Variants in KLHDC2 observed in about 807,000 individuals in gnomAD.
KLHDC2 encodes kelch domain-containing protein 2.
KLHDC2 carries 38 observed loss-of-function variants against 62.3 expected under a neutral mutation model. The ratio of observed to expected loss-of-function variants is 0.61; its 90% CI spans 0.47 to 0.80. KLHDC2 has a LOEUF of 0.80. Ranked by LOEUF, KLHDC2 falls within the 30% of genes least tolerant of loss-of-function variation. The pLI is 0.00. For missense variants in KLHDC2, 430 were observed against 495.3 expected (o/e 0.87, Z 1.25); for synonymous variants, 159 against 161.0 (o/e 0.99, Z 0.09).
chr14:49,777,257 A>G (rs1237277093), intron 3 of KLHDC2, among the ~76,000 whole-genome samples: 1 of 152,140 alleles, frequency 6.6e-6, no homozygotes, highest in Non-Finnish European at 1.5e-5. Context: ...GTAAAGGGTG[A>G]TAGATGGGTG....
Position 49,785,532 on chromosome 14 carries a change from T to A in KLHDC2, c.*2579T>A. The A allele has an allele frequency of 2.1e-6, 1 of 485,308 alleles. No homozygotes were observed. The highest frequency in any genetic ancestry group is 3.7e-6 in the Non-Finnish European group (1 of 266,976). The allele number at this position is 485,308 out of a possible 1,614,324, so 30.1% of individuals were successfully genotyped here. ...TATTCTTTACTACTTAATTTTTGCC[T>A]AGCATAATAAGTAATGAGAACAATA... On this transcript the variant is annotated 3_prime_UTR_variant, in exon 13 of 13. Coordinates refer to ENST00000298307, the MANE Select transcript of KLHDC2 (RefSeq NM_014315.3).
intron 9 of KLHDC2, 82 bp downstream of exon 9, chr14:49,780,404 A>G: frequency 1.1e-6 from 1 of 944,822 alleles, no homozygotes; most frequent in Non-Finnish European, 1.7e-6. Context: ...TTAGAGACTG[A>G]TGAGACGGCT....
chr14:49,773,651 G>A (rs1025316230), intron 2 of KLHDC2, among the ~76,000 whole-genome samples: 38 of 144,204 alleles, frequency 2.6e-4, no homozygotes, highest in African/African-American at 8.0e-4. Flanking sequence ...ATCTCGACTC[G>A]CTGCAAGCTC....
intron 10 of KLHDC2, 91 bp from the exon 11 acceptor site, chr14:49,782,279 G>A (rs968403547): frequency 2.6e-6 from 2 of 773,368 alleles, no homozygotes; most frequent in Admixed American, 2.6e-5. Context: ...CCTTAAGATC[G>A]CTAGTCTTTA....
Position 49,785,640 on chromosome 14 carries a change from G to T in KLHDC2, c.*2687G>T. ...TTCACGCCTATAATCCTAGGACTCT[G>T]GAAGGCTCAGGCTGAGGCGGGTGGA... On this transcript the variant is annotated 3_prime_UTR_variant, in exon 13 of 13. Transcript: ENST00000298307. The T allele has an allele frequency of 3.8e-6, 1 of 263,330 alleles. No homozygotes were observed. Among genetic ancestry groups the T allele is most frequent in the Non-Finnish European group, 7.5e-6 (1 of 133,926 alleles). The allele number at this position is 263,330 out of a possible 1,614,324, so 16.3% of individuals were successfully genotyped here. A position where few individuals can be genotyped will look rare whatever the true frequency, so the allele number is the denominator to read the frequency against.
Position 49,774,674 on chromosome 14 carries a change from A to G in KLHDC2, c.347A>G (p.Asn116Ser), listed in dbSNP as rs760620829. The G allele has an allele frequency of 2.6e-6, 4 of 1,561,548 alleles. No individual in the cohort carries two copies. The highest frequency in any genetic ancestry group is 1.1e-5 in the South Asian group (1 of 90,080). Reference protein sequence around the residue: ...FGGHHSRGNTNKFYMLDSRST... With the variant: ...FGGHHSRGNTSKFYMLDSRST... ...GGACACCATTCAAGAGGCAATACCA[A>G]TAAGGTTAGTGTTTCTAAGGATTAT... Residue 116 changes from asparagine to serine, a missense_variant, in exon 3 of 13, where the codon AAT becomes AGT. Asn to Ser is a conservative substitution (Grantham distance 46). Coordinates refer to ENST00000298307, the MANE Select transcript of KLHDC2 (RefSeq NM_014315.3).
chr14:49,777,241 TCA>T (rs1491437438), intron 3 of KLHDC2, among the ~76,000 whole-genome samples: 3 of 8,824 alleles, frequency 3.4e-4, no homozygotes, highest in African/African-American at 3.6e-4. Flanking sequence ...CTTTGGGGAC[TCA>T]GGGGTAAAGG....
At chr14:49,778,372 TATC>T in intron 5 of KLHDC2, 36 bp from the exon 6 acceptor site, 1 of 1,378,724 alleles carries the variant, frequency 7.3e-7, no homozygotes. Context: ...ATTTTATAAA[TATC>T]ATTTCTAAAA....
At chr14:49,769,825 C>A (rs1336961364) in intron 1 of KLHDC2, among the ~76,000 whole-genome samples, 1 of 151,994 alleles carries the variant, frequency 6.6e-6, no homozygotes, top group Non-Finnish European at 1.5e-5. Flanking sequence ...CGCCCTAATC[C>A]CGTCTACTTG....
chr14:49,778,987 T>G (rs999926632), intron 6 of KLHDC2, among the ~76,000 whole-genome samples: 4 of 152,184 alleles, frequency 2.6e-5, no homozygotes, highest in Admixed American at 1.3e-4. Flanking sequence ...CCTCCCAAAG[T>G]GTTGGGATTA....
intron 10 of KLHDC2, 102 bp downstream of exon 10, chr14:49,780,877 C>A: frequency 1.4e-6 from 1 of 724,434 alleles, no homozygotes; most frequent in Non-Finnish European, 2.5e-6. Context: ...TCTCAGCATT[C>A]ACTAAGGTTT....
rs768954943 is a variant in KLHDC2 at position 49,781,698 on chromosome 14, T to TA, written c.957-658dup. ...GGTGATAGAGCAAGACTCTGTCTCT[T>TA]AAAAAAAAAAAAAATACATGGGGAA... On this transcript the variant is annotated intron_variant, in intron 10 of 12. Coordinates refer to ENST00000298307, the MANE Select transcript of KLHDC2 (RefSeq NM_014315.3). 5.2e-3 allele frequency among the ~76,000 whole-genome samples: 733 copies of TA among 141,700 alleles called. 3 individuals carry two copies. Among genetic ancestry groups the TA allele is most frequent in the South Asian group, 0.016 (71 of 4,424 alleles). 93.0% of individuals were successfully genotyped at this position (141,700 alleles called of 152,430 possible). A position where few individuals can be genotyped will look rare whatever the true frequency, so the allele number is the denominator to read the frequency against.
intron 1 of KLHDC2, 45 bp from the exon 2 acceptor site, chr14:49,771,549 C>CT (rs767632251): frequency 1.6e-5 from 14 of 858,420 alleles, no homozygotes; most frequent in Non-Finnish European, 2.7e-5. Flanking sequence ...AGTAGTGCCT[C>CT]TTTAAAATAC....
At chr14:49,782,280 C>G (rs1190719035) in intron 10 of KLHDC2, 90 bp from the exon 11 acceptor site, 2 of 786,476 alleles carry the variant, frequency 2.5e-6, no homozygotes, top group Non-Finnish European at 4.2e-6. Flanking sequence ...CTTAAGATCG[C>G]TAGTCTTTAT....
intron 2 of KLHDC2, 60 bp downstream of exon 2, chr14:49,771,733 T>A: frequency 1.2e-6 from 1 of 865,524 alleles, no homozygotes; most frequent in Admixed American, 1.8e-5. Flanking sequence ...GCACGGTGGC[T>A]GGCTCATGCC....
rs1183669766 is a variant in KLHDC2, at chr14:49,773,172, G to T, written c.234-1389G>T. ...CTCACACCTGTAATCCCAGCACTTT[G>T]GGAAGCCGAGGCAGGTGGATCATGA... On this transcript the variant is annotated intron_variant, in intron 2 of 12. Coordinates refer to ENST00000298307, the MANE Select transcript of KLHDC2 (RefSeq NM_014315.3). Among the ~76,000 whole-genome samples, 8 of 152,160 alleles carry T rather than the reference G, an allele frequency of 5.3e-5. No homozygotes were observed. The East Asian group carries it at 1.5e-3, about 29-fold the overall frequency.
At position 49,780,736 on chromosome 14, in the gene KLHDC2, A is replaced by C; in HGVS notation, c.917A>C (p.Glu306Ala). Residue 306 changes from glutamate to alanine, a missense_variant, in exon 10 of 13, where the codon GAA (glutamate) becomes GCA (alanine). Physicochemically the swap from Glu to Ala is moderately radical, Grantham distance 107. Coordinates refer to ENST00000298307, the MANE Select transcript of KLHDC2 (RefSeq NM_014315.3). ...TGGACTTACTGCATCAGTAAAAATG[A>C]ATGGATACAATTTAATCATCCATAT... ...DAWTYCISKN[E>A]WIQFNHPYTE... is the part of the protein sequence containing the mutation. The C allele has an allele frequency of 6.2e-7, 1 of 1,608,756 alleles. No individual in the cohort carries two copies. Among genetic ancestry groups the C allele is most frequent in the Non-Finnish European group, 8.5e-7 (1 of 1,175,098 alleles).
chr14:49,771,777 C>G (rs1594698706), intron 2 of KLHDC2, 104 bp downstream of exon 2: 2 of 631,078 alleles, frequency 3.2e-6, no homozygotes, highest in Non-Finnish European at 5.8e-6. Flanking sequence ...CCAACGCGGG[C>G]GGATCTCTCG....
chr14:49,785,296 C>G lies in KLHDC2; in HGVS notation c.*2343C>G. The G allele has an allele frequency of 6.2e-7, 1 of 1,613,822 alleles. No individual in the cohort carries two copies. Among genetic ancestry groups the G allele is most frequent in the Non-Finnish European group, 8.5e-7 (1 of 1,179,782 alleles). On this transcript the variant is annotated 3_prime_UTR_variant, in exon 13 of 13. Transcript: ENST00000298307. The stretch of plus-strand genomic sequence containing the variant: ...AGTACATCTTCAGGATGTGGCTGGC[C>G]TGTCAAAGAATCAAATAGGTTTTCC...
Sources: gnomAD v4.1 joint callset for allele counts (sites outside exome capture counted in the v4.1 genomes callset) on GRCh38, gnomAD v4.1.1 for gene constraint, MANE v1.5 for transcripts, NCBI Gene and HGNC (gene_info 2026-07-23, HGNC 2026-07-21) for gene names.